Variants in KCNAB1 observed in about 807,000 individuals in gnomAD.
The protein encoded by KCNAB1 is voltage-gated potassium channel subunit beta-1.
A neutral mutation model predicts 64.6 loss-of-function variants in KCNAB1; 35 were observed. The ratio of observed to expected loss-of-function variants is 0.54; its 90% CI spans 0.41 to 0.72. KCNAB1 has a LOEUF of 0.72. Among genes scored for constraint, KCNAB1 ranks in the 30% least tolerant of loss-of-function variants. The pLI, the probability that KCNAB1 is intolerant of heterozygous loss-of-function variation, is 0.00. For synonymous variants in KCNAB1, 177 were observed against 183.8 expected, an observed-to-expected ratio of 0.96 and a Z score of 0.30; for missense variants, 401 against 512.9, an observed-to-expected ratio of 0.78 and a Z score of 2.11.
chr3:156,142,557 CT>C, intron 1 of KCNAB1, among the ~76,000 whole-genome samples: 1 of 152,310 alleles, frequency 6.6e-6, no homozygotes, highest in East Asian at 1.9e-4. Context: ...CAGATTTGCT[CT>C]TCATATTTGT....
At chr3:156,273,721 T>G (rs767482686) in intron 1 of KCNAB1, 8 of 450,504 alleles carry the variant, frequency 1.8e-5, no homozygotes, top group Admixed American at 1.7e-4. Flanking sequence ...GGAAGGTGCT[T>G]TTTTTGTGTA....
chr3:156,523,945 T>C lies in KCNAB1; in HGVS notation c.1079T>C (p.Val360Ala). ...GGATGCACACTACCTCAGCTAGCTG[T>C]TGGTAAGAAAATTACTAAGCTATGG... ...RLGCTLPQLA[V>A]AWCLRNEGVS... Residue 360 changes from valine to alanine, a missense_variant and splice_region_variant, in exon 12 of 14, where the codon GTT (valine) becomes GCT (alanine). Physicochemically the swap from Val to Ala is moderately conservative, Grantham distance 64 (BLOSUM62 0). Coordinates refer to ENST00000490337, the MANE Select transcript of KCNAB1 (RefSeq NM_172160.3). The C allele has an allele frequency of 6.2e-7, 1 of 1,613,438 alleles. No homozygotes were observed. The highest frequency in any genetic ancestry group is 2.2e-5 in the East Asian group (1 of 44,854).
In KCNAB1 at chr3:156,281,802, G is replaced by A. The variant is rs1313885169; in HGVS notation, c.276-139814G>A. On this transcript the variant is annotated intron_variant, in intron 1 of 13. Coordinates refer to ENST00000490337, the MANE Select transcript of KCNAB1 (RefSeq NM_172160.3). ...TGGTAGTTTGTATTTCTGTGGGATC[G>A]GTGGTGATATCCCCTTTATCATTTT... 7.7e-3 allele frequency among the ~76,000 whole-genome samples: 1,149 copies of A among 148,826 alleles called. 9 individuals are homozygous for A. The highest frequency in any genetic ancestry group is 0.026 in the African/African-American group (1,043 of 40,426).
At chr3:156,338,147 G>T (rs908225230) in intron 1 of KCNAB1, among the ~76,000 whole-genome samples, 1 of 152,044 alleles carries the variant, frequency 6.6e-6, no homozygotes, top group Non-Finnish European at 1.5e-5. Flanking sequence ...TCACAAATCT[G>T]GTTGATCAAG....
chr3:156,458,104 G>A (rs890542792), intron 4 of KCNAB1, among the ~76,000 whole-genome samples: 1 of 152,138 alleles, frequency 6.6e-6, no homozygotes, highest in African/African-American at 2.4e-5. Flanking sequence ...TTGTAAGAGG[G>A]GATCTCAGAG....
At chr3:156,436,288 T>C (rs1716582203) in intron 2 of KCNAB1, among the ~76,000 whole-genome samples, 1 of 152,258 alleles carries the variant, frequency 6.6e-6, no homozygotes, top group African/African-American at 2.4e-5. Flanking sequence ...GGTATATATA[T>C]ACCAGATTTT....
intron 8 of KCNAB1, among the ~76,000 whole-genome samples, chr3:156,495,308 G>T (rs1643365222): frequency 6.6e-6 from 1 of 152,052 alleles, no homozygotes; most frequent in African/African-American, 2.4e-5. Flanking sequence ...AGCCATTGTG[G>T]AAGACAGCAT....
intron 1 of KCNAB1, among the ~76,000 whole-genome samples, chr3:156,124,074 A>G (rs1413896539): frequency 6.6e-6 from 1 of 152,026 alleles, no homozygotes; most frequent in African/African-American, 2.4e-5. Flanking sequence ...TAAGGACTAT[A>G]TCTTATGACC....
At chr3:156,465,523 C>T (rs1302754871) in intron 6 of KCNAB1, 120 bp from the exon 7 acceptor site, 3 of 748,456 alleles carry the variant, frequency 4.0e-6, no homozygotes, top group African/African-American at 6.6e-5. Flanking sequence ...CCTTAGCCTC[C>T]CTCCAGTGGT....
At chr3:156,347,683 A>T (rs1394298593) in intron 1 of KCNAB1, among the ~76,000 whole-genome samples, 1 of 152,220 alleles carries the variant, frequency 6.6e-6, no homozygotes, top group African/African-American at 2.4e-5. Flanking sequence ...ATTTCAACTA[A>T]TTGGGAGAGC....
intron 1 of KCNAB1, among the ~76,000 whole-genome samples, chr3:156,159,560 A>T (rs1473442950): frequency 6.6e-6 from 1 of 152,214 alleles, no homozygotes; most frequent in African/African-American, 2.4e-5. Flanking sequence ...ACAATTACAC[A>T]AGTGCCACAT....
At chr3:156,379,291 A>G (rs888779398) in intron 1 of KCNAB1, among the ~76,000 whole-genome samples, 3 of 152,244 alleles carry the variant, frequency 2.0e-5, no homozygotes, top group Non-Finnish European at 4.4e-5. Context: ...TCCAACAAAC[A>G]TCTCTGCCCT....
intron 1 of KCNAB1, among the ~76,000 whole-genome samples, chr3:156,380,595 A>C (rs575274197): frequency 1.3e-5 from 2 of 152,322 alleles, no homozygotes; most frequent in Admixed American, 1.3e-4. Flanking sequence ...TATTTGCAGC[A>C]GGAGTGTGCC....
intron 1 of KCNAB1, among the ~76,000 whole-genome samples, chr3:156,404,872 G>T (rs1241099954): frequency 6.6e-6 from 1 of 152,196 alleles, no homozygotes; most frequent in Non-Finnish European, 1.5e-5. Context: ...AAAACAATTT[G>T]ATGGCTTTGA....
At chr3:156,305,512 T>G (rs1014514108) in intron 1 of KCNAB1, among the ~76,000 whole-genome samples, 1 of 152,224 alleles carries the variant, frequency 6.6e-6, no homozygotes, top group African/African-American at 2.4e-5. Context: ...CCTCTTCACA[T>G]TCACGATGGG....
intron 12 of KCNAB1, among the ~76,000 whole-genome samples, chr3:156,528,401 C>A (rs1223996569): frequency 6.6e-6 from 1 of 152,178 alleles, no homozygotes; most frequent in Non-Finnish European, 1.5e-5. Context: ...TTAATAAGTT[C>A]CTACTTTGTG....
chr3:156,176,471 GT>G (rs1712377474), intron 1 of KCNAB1: 1 of 788,470 alleles, frequency 1.3e-6, no homozygotes, highest in African/African-American at 1.7e-5. Flanking sequence ...TCCCTTTAGC[GT>G]TTTAACCCTC....
intron 2 of KCNAB1, among the ~76,000 whole-genome samples, chr3:156,433,600 G>T (rs1716379276): frequency 6.6e-6 from 1 of 152,130 alleles, no homozygotes. Context: ...AGAGATAGAG[G>T]TACAAGACAT....
At chr3:156,296,461 TC>T (rs9331285) in intron 1 of KCNAB1, among the ~76,000 whole-genome samples, 23,049 of 111,298 alleles carry the variant, frequency 0.21, 1,829 homozygotes, top group Non-Finnish European at 0.26. Flanking sequence ...AAACTTCAAC[TC>T]CCCCCCCCCC....
Sources: gnomAD v4.1 joint callset for allele counts (sites outside exome capture counted in the v4.1 genomes callset) on GRCh38, gnomAD v4.1.1 for gene constraint, MANE v1.5 for transcripts, NCBI Gene and HGNC (gene_info 2026-07-23, HGNC 2026-07-21) for gene names.